The following ANK2 variants were observed in gnomAD, a reference collection of about 807,000 sequenced individuals.
ANK2 encodes the protein ankyrin 2.
A neutral mutation model predicts 360.5 loss-of-function variants in ANK2; 83 were observed. The observed-to-expected ratio is 0.23, with a 90% CI of 0.19 to 0.28. ANK2 has a LOEUF of 0.28. Among genes scored for constraint, ANK2 ranks in the 10% least tolerant of loss-of-function variants. The pLI is 1.00. For missense variants in ANK2, 4,201 were observed against 4,795.7 expected (o/e 0.88, Z 3.66); for synonymous variants, 1,740 against 1,759.5 (o/e 0.99, Z 0.28).
intron 1 of ANK2, among the ~76,000 whole-genome samples, chr4:113,156,794 ATAT>A (rs2097316018): frequency 1.4e-5 from 2 of 143,322 alleles, no homozygotes; most frequent in African/African-American, 2.6e-5. Context: ...ATATATATAT[ATAT>A]TATATATATA....
intron 1 of ANK2, among the ~76,000 whole-genome samples, chr4:113,096,593 A>T (rs1378759369): frequency 1.3e-5 from 2 of 152,198 alleles, no homozygotes; most frequent in African/African-American, 2.4e-5. Flanking sequence ...AACTCTTTTT[A>T]AAAAAATTCT....
chr4:112,973,890 A>G (rs985917938), intron 2 of ANK2, among the ~76,000 whole-genome samples: 3 of 152,228 alleles, frequency 2.0e-5, no homozygotes, highest in Non-Finnish European at 4.4e-5. Flanking sequence ...GGAATGTTTT[A>G]TTACAATCCA....
chr4:112,988,901 A>T lies in ANK2; in HGVS notation c.21+84387A>T, dbSNP rs570793827. ...TTTCTGGGTAACCCAAATGGTAAAAAAATTCTGATGGTCTCCTAATAGTTT... is the reference window on the plus strand; with the variant it reads ...TTTCTGGGTAACCCAAATGGTAAAATAATTCTGATGGTCTCCTAATAGTTT... On this transcript the variant is annotated intron_variant, in intron 2 of 30. Transcript: ENST00000503271. Among the ~76,000 whole-genome samples the T allele has an allele frequency of 7.9e-5, 12 of 152,268 alleles. No homozygotes were observed. In the South Asian group the frequency reaches 2.5e-3, roughly 32 times the overall value.
intron 1 of ANK2, among the ~76,000 whole-genome samples, chr4:113,148,034 G>A (rs927853460): frequency 2.0e-5 from 3 of 152,192 alleles, no homozygotes; most frequent in Non-Finnish European, 4.4e-5. Flanking sequence ...GCAGCTCTTG[G>A]AGATGCCTTA....
chr4:113,290,586 A>G (rs1247977595), intron 20 of ANK2, among the ~76,000 whole-genome samples: 1 of 152,176 alleles, frequency 6.6e-6, no homozygotes, highest in Non-Finnish European at 1.5e-5. Context: ...CATGAAAAAA[A>G]TTGTATTTAT....
At chr4:112,840,840 A>G (rs1449251267) in intron 1 of ANK2, among the ~76,000 whole-genome samples, 1 of 152,204 alleles carries the variant, frequency 6.6e-6, no homozygotes, top group African/African-American at 2.4e-5. Context: ...CAGGATTCCA[A>G]CCCAGGGAGT....
At chr4:113,014,947 CCG>C (rs1159287050) in intron 2 of ANK2, among the ~76,000 whole-genome samples, 2 of 151,198 alleles carry the variant, frequency 1.3e-5, no homozygotes, top group Non-Finnish European at 2.9e-5. Flanking sequence ...CAAGCTCCGC[CCG>C]CCGGGTTCAC....
chr4:112,710,052 G>A, the ANK2 span, among the ~76,000 whole-genome samples: 2 of 152,318 alleles, frequency 1.3e-5, no homozygotes, highest in Middle Eastern at 3.4e-3. Flanking sequence ...AGTGAGCCAA[G>A]CATGGTGCTG....
intron 16 of ANK2, among the ~76,000 whole-genome samples, chr4:113,278,214 G>A (rs542681302): frequency 2.0e-5 from 3 of 152,094 alleles, no homozygotes; most frequent in Non-Finnish European, 4.4e-5. Context: ...TTCTTACATA[G>A]CAGTTTAGAC....
rs115458997 is a variant in ANK2 at position 113,246,483 on chromosome 4, G to A, written c.892-3281G>A. 6.4e-3 allele frequency among the ~76,000 whole-genome samples: 976 copies of A among 152,218 alleles called. 5 individuals are homozygous for A. The highest frequency in any genetic ancestry group is 9.1e-3 in the South Asian group (44 of 4,830). On this transcript the variant is annotated intron_variant, in intron 9 of 45. Coordinates refer to ENST00000357077, the MANE Select transcript of ANK2 (RefSeq NM_001148.6). ...AAAGACCTCATTTCAATGTGAAAAC[G>A]TAAATTTTATAGCTAGTGAAAATGA...
At chr4:112,781,638 ACT>A in the ANK2 span, among the ~76,000 whole-genome samples, 118 of 151,874 alleles carry the variant, frequency 7.8e-4, no homozygotes, top group African/African-American at 2.6e-3. Flanking sequence ...AAACACACAG[ACT>A]CTATTTTTTT....
the ANK2 span, among the ~76,000 whole-genome samples, chr4:112,738,230 C>T: frequency 1.3e-5 from 2 of 151,886 alleles, no homozygotes; most frequent in East Asian, 1.9e-4. Context: ...GCCAACATGG[C>T]GAAGCCCCGT....
chr4:112,722,660 G>A, the ANK2 span, among the ~76,000 whole-genome samples: 3 of 152,324 alleles, frequency 2.0e-5, no homozygotes, highest in African/African-American at 7.2e-5. Context: ...CAGAAAGCAA[G>A]GTTGGAGGAA....
intron 2 of ANK2, among the ~76,000 whole-genome samples, chr4:112,948,571 A>C (rs1030532547): frequency 1.3e-5 from 2 of 152,020 alleles, no homozygotes; most frequent in Non-Finnish European, 2.9e-5. Flanking sequence ...CACACAGAAA[A>C]CTTTTTATTT....
In ANK2 at chr4:113,013,722, A is replaced by G. The variant is rs531759133; in HGVS notation, c.21+109208A>G. 2.8e-4 allele frequency among the ~76,000 whole-genome samples: 42 copies of G among 152,276 alleles called. No individual in the cohort carries two copies. The South Asian group carries it at 8.1e-3, about 29-fold the overall frequency. The stretch of plus-strand genomic sequence containing the variant: ...TTAAAACTGTCTTTATGTTTGGTCT[A>G]TTGTGGTTTTGAACATTTTTTTTCC... On this transcript the variant is annotated intron_variant, in intron 2 of 30. Coordinates refer to the ANK2 transcript ENST00000503271.
the ANK2 span, among the ~76,000 whole-genome samples, chr4:112,734,007 T>C: frequency 6.6e-6 from 1 of 152,234 alleles, no homozygotes; most frequent in Non-Finnish European, 1.5e-5. Flanking sequence ...ACTCCTGGCC[T>C]CAGGTGATCC....
In ANK2 at chr4:113,355,355, G is replaced by C. The variant is rs1464506112; in HGVS notation, c.6737G>C (p.Ser2246Thr). Residue 2246 changes from serine (S) to threonine (T), a missense_variant, in exon 38 of 46, where the codon AGC becomes ACC. Ser to Thr is a moderately conservative substitution (Grantham distance 58, BLOSUM62 1). This residue lies in a region of ANK2 where 2,642 missense variants were observed against 2,714.5 expected (regional missense o/e 0.97). Transcript: ENST00000357077. ...LAETPETSPE[S>T]LSFSPKKSEE... ...GAGACCCCTGAGACGAGCCCAGAAA[G>C]CCTTTCTTTCTCACCAAAGAAAAGT... The C allele has an allele frequency of 2.5e-6, 4 of 1,613,918 alleles. No individual in the cohort carries two copies. Among genetic ancestry groups the C allele is most frequent in the Non-Finnish European group, 3.4e-6 (4 of 1,179,992 alleles).
At chr4:113,361,377 AGT>A (rs1295560085) in intron 39 of ANK2, among the ~76,000 whole-genome samples, 1 of 152,098 alleles carries the variant, frequency 6.6e-6, no homozygotes, top group African/African-American at 2.4e-5. Flanking sequence ...GAGAAATGAG[AGT>A]GTTTAAGTAT....
chr4:112,821,329 A>G (rs2056965773), intron 1 of ANK2, among the ~76,000 whole-genome samples: 1 of 152,166 alleles, frequency 6.6e-6, no homozygotes, highest in South Asian at 2.1e-4. Flanking sequence ...GATTACAGGC[A>G]TGCACCATCA....
Sources: allele counts gnomAD v4.1 joint callset (sites outside exome capture counted in the v4.1 genomes callset), GRCh38; gene constraint gnomAD v4.1.1; regional missense constraint gnomAD v4.1.1; transcripts MANE v1.5; gene names NCBI Gene and HGNC (gene_info 2026-07-23, HGNC 2026-07-21).